The following GAB2 variants were observed in gnomAD, a reference collection of about 807,000 sequenced individuals.
GAB2 encodes the protein GRB2 associated binding protein 2.
A neutral mutation model predicts 65.5 loss-of-function variants in GAB2; 26 were observed. That is an observed-to-expected ratio of 0.40 (90% CI 0.29 to 0.55). GAB2 has a LOEUF of 0.55. Ranked by LOEUF, GAB2 falls within the 20% of genes least tolerant of loss-of-function variation. The pLI is 0.53. For missense variants in GAB2, 884 were observed against 875.8 expected, an observed-to-expected ratio of 1.01 and a Z score of -0.12; for synonymous variants, 321 against 329.6, an observed-to-expected ratio of 0.97 and a Z score of 0.28.
intron 1 of GAB2, among the ~76,000 whole-genome samples, chr11:78,410,362 GGC>G (rs1235314246): frequency 6.6e-6 from 1 of 152,082 alleles, no homozygotes; most frequent in East Asian, 1.9e-4. Flanking sequence ...AAATCAGCTG[GGC>G]ATTGTGGCAC....
intron 1 of GAB2, among the ~76,000 whole-genome samples, chr11:78,410,026 T>C (rs1449594695): frequency 2.6e-5 from 4 of 152,014 alleles, no homozygotes; most frequent in Non-Finnish European, 4.4e-5. Context: ...AAATAATCCA[T>C]GGTCAAAGAG....
chr11:78,304,093 G>A (rs1855297312), intron 1 of GAB2, among the ~76,000 whole-genome samples: 1 of 151,766 alleles, frequency 6.6e-6, no homozygotes, highest in South Asian at 2.1e-4. Context: ...CAGATTTTTT[G>A]CTTTCTTCTT....
chr11:78,271,632 C>A (rs186495007), intron 2 of GAB2, among the ~76,000 whole-genome samples: 1 of 152,188 alleles, frequency 6.6e-6, no homozygotes, highest in East Asian at 1.9e-4. Context: ...CAGTCTCCAT[C>A]TGCCACAAAC....
chr11:78,255,444 A>G (rs1349357026), intron 2 of GAB2, among the ~76,000 whole-genome samples: 1 of 152,186 alleles, frequency 6.6e-6, no homozygotes, highest in Non-Finnish European at 1.5e-5. Context: ...TGCTTATCTC[A>G]GGAAAAATAA....
intron 3 of GAB2, among the ~76,000 whole-genome samples, chr11:78,237,882 A>G (rs1865023069): frequency 6.6e-6 from 1 of 152,224 alleles, no homozygotes; most frequent in South Asian, 2.1e-4. Flanking sequence ...TTGCAGGGAC[A>G]TGGATGGAGC....
At chr11:78,348,952 C>T (rs932037247) in intron 1 of GAB2, among the ~76,000 whole-genome samples, 19 of 152,196 alleles carry the variant, frequency 1.2e-4, no homozygotes, top group African/African-American at 4.3e-4. Flanking sequence ...AGTGTACATA[C>T]TGTACTCCTA....
chr11:78,377,179 G>A (rs989359427), intron 1 of GAB2, among the ~76,000 whole-genome samples: 2 of 152,150 alleles, frequency 1.3e-5, no homozygotes, highest in Non-Finnish European at 1.5e-5. Flanking sequence ...CCAGTCTCAG[G>A]TATTTATTTC....
intron 1 of GAB2, among the ~76,000 whole-genome samples, chr11:78,411,808 G>T (rs1013167182): frequency 6.6e-6 from 1 of 151,828 alleles, no homozygotes; most frequent in Non-Finnish European, 1.5e-5. Flanking sequence ...AAGGTGGGCG[G>T]ATCACGAGGT....
chr11:78,224,613 G>A (rs892021347), intron 5 of GAB2, among the ~76,000 whole-genome samples: 3 of 152,102 alleles, frequency 2.0e-5, no homozygotes, highest in Non-Finnish European at 4.4e-5. Flanking sequence ...TTTTCAGTGG[G>A]CCTGAAGCCA....
At chr11:78,276,128 A>G (rs968229587) in intron 2 of GAB2, among the ~76,000 whole-genome samples, 24 of 149,236 alleles carry the variant, frequency 1.6e-4, no homozygotes, top group Non-Finnish European at 2.7e-4. Context: ...AAAAAAAAAA[A>G]GAAGAAGAAA....
At chr11:78,266,718 G>A (rs1166774784) in intron 2 of GAB2, among the ~76,000 whole-genome samples, 1 of 152,318 alleles carries the variant, frequency 6.6e-6, no homozygotes, top group East Asian at 1.9e-4. Context: ...CATAGAGGAG[G>A]CAGAGAGAAT....
Position 78,222,207 on chromosome 11 carries a change from A to G in GAB2, c.1568-12T>C. The stretch of plus-strand genomic sequence containing the variant: ...TGGTGTTGGCTTTGCTGGAGCAGGA[A>G]AAGAAAGTCTGGTAATCAGCCAGTA... On this transcript the variant is annotated splice_polypyrimidine_tract_variant and intron_variant, in intron 6 of 9. Transcript: ENST00000361507. 6.3e-7 allele frequency: 1 copy of G among 1,593,754 alleles called. No homozygotes were observed. The highest frequency in any genetic ancestry group is 1.3e-5 in the African/African-American group (1 of 74,658).
Position 78,219,182 on chromosome 11 carries a change from G to T in GAB2, c.*90C>A. 1 of 1,222,588 alleles carries T rather than the reference G, an allele frequency of 8.2e-7. No homozygotes were observed. Among genetic ancestry groups the T allele is most frequent in the Non-Finnish European group, 1.2e-6 (1 of 849,698 alleles). 75.7% of individuals were successfully genotyped at this position (1,222,588 alleles called of 1,614,324 possible). ...AGACTGGCAGAGTAGAGAGGAGGTG[G>T]ATGGGAGGAAGAACGGGAGAGGGGA... On this transcript the variant is annotated 3_prime_UTR_variant, in exon 10 of 10. Transcript: ENST00000361507.
chr11:78,238,306 T>C (rs1388705170), intron 3 of GAB2, among the ~76,000 whole-genome samples: 2 of 151,186 alleles, frequency 1.3e-5, no homozygotes, highest in African/African-American at 2.4e-5. Context: ...TGTGGGAGGA[T>C]TGCTCGAGAC....
chr11:78,351,070 AGCT>A (rs1856269787), intron 1 of GAB2, among the ~76,000 whole-genome samples: 1 of 152,162 alleles, frequency 6.6e-6, no homozygotes, highest in African/African-American at 2.4e-5. Context: ...TACTGTATCC[AGCT>A]GTTGACCGAG....
chr11:78,224,769 C>T (rs1275226421), intron 5 of GAB2, among the ~76,000 whole-genome samples: 1 of 152,092 alleles, frequency 6.6e-6, no homozygotes, highest in African/African-American at 2.4e-5. Context: ...ACTGCAGCCT[C>T]CCTCCTGCAT....
rs1448188144 is a variant in GAB2 at position 78,218,981 on chromosome 11, G to T, written c.*291C>A. On this transcript the variant is annotated 3_prime_UTR_variant, in exon 10 of 10. Transcript: ENST00000361507. ...GTAGAGAGTCAGGTCTAAAGGACAG[G>T]AAGAGGCTGAAGGATGCTTTTTGGA... is the stretch of plus-strand genomic sequence containing the variant. 22 of 372,506 alleles carry T rather than the reference G, an allele frequency of 5.9e-5. No homozygotes were observed. The allele number at this position is 372,506 out of a possible 1,614,324, so 23.1% of individuals were successfully genotyped here. A position where few individuals can be genotyped will look rare whatever the true frequency, so the allele number is the denominator to read the frequency against.
chr11:78,341,966 G>A, intron 1 of GAB2: 1 of 760,166 alleles, frequency 1.3e-6, no homozygotes, highest in Non-Finnish European at 1.6e-6. Context: ...GGGAGACAAA[G>A]GCCAGTGTGT....
chr11:78,383,666 G>T (rs1460662293), intron 1 of GAB2, among the ~76,000 whole-genome samples: 1 of 151,434 alleles, frequency 6.6e-6, no homozygotes, highest in African/African-American at 2.4e-5. Flanking sequence ...GCTGAGGTGG[G>T]AGGATGGCTT....
Sources: allele counts gnomAD v4.1 joint callset (sites outside exome capture counted in the v4.1 genomes callset), GRCh38; gene constraint gnomAD v4.1.1; transcripts MANE v1.5; gene names NCBI Gene and HGNC (gene_info 2026-07-23, HGNC 2026-07-21).